The following TMTC2 variants were observed in gnomAD, a reference collection of about 807,000 sequenced individuals.
TMTC2 encodes the protein transmembrane O-mannosyltransferase targeting cadherins 2, also known as protein O-mannosyl-transferase TMTC2.
In TMTC2, 43 loss-of-function variants were observed where a neutral mutation model predicts 82.4. The observed-to-expected ratio is 0.52, with a 90% confidence interval of 0.41 to 0.67. The LOEUF is 0.67. TMTC2 is among the 30% of genes least tolerant of loss of function. The probability of loss-of-function intolerance (pLI) is 0.00; values close to 1 mark genes in which losing one functional copy is unlikely to be tolerated. For synonymous variants in TMTC2, 408 were observed against 381.9 expected, an observed-to-expected ratio of 1.07 and a Z score of -0.80; for missense variants, 919 against 1,012.4, an observed-to-expected ratio of 0.91 and a Z score of 1.25.
chr12:83,030,846 GA>G lies in TMTC2; in HGVS notation c.2120del (p.Asp707ValfsTer22). On this transcript the variant is annotated frameshift_variant, in exon 9 of 12. Coordinates refer to ENST00000321196, the MANE Select transcript of TMTC2 (RefSeq NM_152588.3). LOFTEE classifies it high-confidence loss of function. ...EKLFLKAIEL[D>X]PTKGNCYMHY... Reference sequence around the variant, plus strand: ...GCTCTTCTTGAAGGCTATTGAGCTGGATCCCACCAAAGGAAACTGTTACATG... The same window carrying G: ...GCTCTTCTTGAAGGCTATTGAGCTGGTCCCACCAAAGGAAACTGTTACATG... The G allele has an allele frequency of 3.1e-6, 5 of 1,613,684 alleles. No individual in the cohort carries two copies. The highest frequency in any genetic ancestry group is 1.3e-5 in the African/African-American group (1 of 75,014).
chr12:83,117,247 G>A (rs892252744), intron 11 of TMTC2, among the ~76,000 whole-genome samples: 3 of 151,904 alleles, frequency 2.0e-5, no homozygotes, highest in Admixed American at 1.3e-4. Context: ...AGAGAAAGAG[G>A]GAACCCTCCC....
chr12:83,095,787 T>C (rs1048893965), intron 11 of TMTC2, among the ~76,000 whole-genome samples: 5 of 152,210 alleles, frequency 3.3e-5, no homozygotes, highest in African/African-American at 1.2e-4. Flanking sequence ...TATAAAGTAG[T>C]TGGCCCTGTA....
intron 2 of TMTC2, among the ~76,000 whole-genome samples, chr12:82,871,812 T>C (rs1872194909): frequency 6.6e-6 from 1 of 151,724 alleles, no homozygotes; most frequent in Admixed American, 6.6e-5. Context: ...TGAGGAGAAA[T>C]TTGTTAAATT....
chr12:82,701,273 T>G (rs1873063171), intron 1 of TMTC2, among the ~76,000 whole-genome samples: 1 of 152,192 alleles, frequency 6.6e-6, no homozygotes, highest in South Asian at 2.1e-4. Flanking sequence ...GAAAAGATTG[T>G]GTTAAATTGA....
intron 11 of TMTC2, among the ~76,000 whole-genome samples, chr12:83,084,677 C>T (rs945151342): frequency 2.8e-4 from 42 of 152,162 alleles, no homozygotes; most frequent in Admixed American, 2.0e-4. Context: ...GTGCTATTGT[C>T]TGTGGATGAC....
chr12:82,767,016 A>G (rs987743905), intron 1 of TMTC2, among the ~76,000 whole-genome samples: 2 of 152,224 alleles, frequency 1.3e-5, no homozygotes, highest in Non-Finnish European at 2.9e-5. Context: ...TATTGGATTG[A>G]CAATAGCTTT....
intron 3 of TMTC2, among the ~76,000 whole-genome samples, chr12:82,917,746 C>T (rs1374064353): frequency 6.6e-6 from 1 of 151,844 alleles, no homozygotes; most frequent in Non-Finnish European, 1.5e-5. Flanking sequence ...GGACTACAGG[C>T]CCCTGCCACC....
intron 1 of TMTC2, among the ~76,000 whole-genome samples, chr12:82,829,176 G>A (rs1165740837): frequency 6.6e-6 from 1 of 152,142 alleles, no homozygotes; most frequent in East Asian, 1.9e-4. Context: ...TTGTTTACAA[G>A]TGAGGAATCA....
rs528326493 is a variant in TMTC2, at chr12:82,873,866, G to T, written c.654+16286G>T. ...AGACAAACCAAACATTTAAAGCAGG[G>T]AATGAATTTGGAATTTTTTTATCCC... On this transcript the variant is annotated intron_variant, in intron 2 of 11. Coordinates refer to ENST00000321196, the MANE Select transcript of TMTC2 (RefSeq NM_152588.3). 1.0e-3 allele frequency among the ~76,000 whole-genome samples: 158 copies of T among 152,220 alleles called. 2 individuals are homozygous for T. The Middle Eastern group carries it at 0.014, about 13-fold the overall frequency.
At chr12:83,003,750 C>T (rs1350876388) in intron 8 of TMTC2, among the ~76,000 whole-genome samples, 2 of 152,118 alleles carry the variant, frequency 1.3e-5, no homozygotes, top group Admixed American at 1.3e-4. Flanking sequence ...TCCCCAATCT[C>T]TTCTGGCTTG....
At chr12:83,117,248 G>T (rs116783678) in intron 11 of TMTC2, among the ~76,000 whole-genome samples, 1,994 of 152,116 alleles carry the variant, frequency 0.013, 45 homozygotes, top group African/African-American at 0.046. Context: ...GAGAAAGAGG[G>T]AACCCTCCCT....
At chr12:83,023,333 GC>G (rs1370942799) in intron 8 of TMTC2, among the ~76,000 whole-genome samples, 1 of 152,150 alleles carries the variant, frequency 6.6e-6, no homozygotes, top group Middle Eastern at 3.2e-3. Context: ...ATTCCTATGT[GC>G]CCTTTGCTCA....
chr12:82,896,265 A>G lies in TMTC2; in HGVS notation c.1102A>G (p.Ser368Gly), dbSNP rs953131816. ...VEYQNSETKS[S>G]FASKVENGIK... ...GTACCAGAACTCAGAGACTAAGTCC[A>G]GCTTTGCATCCAAAGTAGAAAATGG... The change falls in exon 3 of 12, where the codon AGC becomes GGC. Residue 368 changes from serine to glycine, a missense_variant. By Grantham distance (56) the Ser-to-Gly change is moderately conservative (BLOSUM62 0). Transcript: ENST00000321196. The G allele has an allele frequency of 1.2e-6, 2 of 1,614,064 alleles. No homozygotes were observed. The highest frequency in any genetic ancestry group is 1.7e-6 in the Non-Finnish European group (2 of 1,180,048).
chr12:82,795,389 A>G (rs1878672619), intron 1 of TMTC2, among the ~76,000 whole-genome samples: 1 of 151,978 alleles, frequency 6.6e-6, no homozygotes. Context: ...TATCCACTAT[A>G]GAAAACTCTC....
intron 8 of TMTC2, among the ~76,000 whole-genome samples, chr12:83,025,495 G>A (rs1304854693): frequency 6.6e-6 from 1 of 151,954 alleles, no homozygotes; most frequent in Non-Finnish European, 1.5e-5. Context: ...TGACACAAGT[G>A]TCATTGCGGG....
intron 4 of TMTC2, among the ~76,000 whole-genome samples, chr12:82,941,877 G>A (rs1876737623): frequency 6.6e-6 from 1 of 152,026 alleles, no homozygotes; most frequent in Non-Finnish European, 1.5e-5. Context: ...CTCCTGAGTA[G>A]CCAGGATTAC....
At chr12:83,108,065 C>T (rs1358144240) in intron 11 of TMTC2, among the ~76,000 whole-genome samples, 1 of 152,116 alleles carries the variant, frequency 6.6e-6, no homozygotes, top group Admixed American at 6.5e-5. Flanking sequence ...CCTTCGCCTT[C>T]TTGCCATAAT....
intron 11 of TMTC2, among the ~76,000 whole-genome samples, chr12:83,122,697 A>G (rs539720021): frequency 6.6e-6 from 1 of 152,174 alleles, no homozygotes; most frequent in Non-Finnish European, 1.5e-5. Context: ...CTGCGGGAGC[A>G]TTCCCCTTCC....
At chr12:83,076,837 C>T (rs955005087) in intron 11 of TMTC2, among the ~76,000 whole-genome samples, 2 of 152,148 alleles carry the variant, frequency 1.3e-5, no homozygotes, top group African/African-American at 4.8e-5. Flanking sequence ...TCCTGTACTC[C>T]TAACCCCTTA....
Sources: allele counts gnomAD v4.1 joint callset (sites outside exome capture counted in the v4.1 genomes callset), GRCh38; gene constraint gnomAD v4.1.1; transcripts MANE v1.5; gene names NCBI Gene and HGNC (gene_info 2026-07-23, HGNC 2026-07-21).